Variants in TRIM46 observed in about 807,000 individuals in gnomAD.
The protein encoded by TRIM46 is tripartite motif containing 46.
In TRIM46, 17 loss-of-function variants were observed where a neutral mutation model predicts 69.7. The observed-to-expected ratio is 0.24, with a 90% CI of 0.17 to 0.37. The LOEUF (loss-of-function observed/expected upper bound fraction) is 0.37, where lower values mean the gene tolerates loss of function less well. TRIM46 is among the 10% of genes least tolerant of loss of function. The pLI is 1.00. For synonymous variants in TRIM46, 391 were observed against 429.0 expected (o/e 0.91, Z 1.09); for missense variants, 675 against 1,025.1 (o/e 0.66, Z 4.66).
chr1:155,174,589 C>T (rs758761239), intron 1 of TRIM46: 35 of 1,526,562 alleles, frequency 2.3e-5, no homozygotes, highest in South Asian at 7.3e-5. Flanking sequence ...GTTCCTCCCT[C>T]CTTTGTGTCA....
At position 155,181,727 on chromosome 1, in the gene TRIM46, C is replaced by G. The variant is rs1666186876; in HGVS notation, c.1589-125C>G. Reference sequence around the variant, plus strand: ...TTCCCATGTCCTGTTCTCCTGAACCCCCTGCCTGTTCCTGGTGACTGAACC... The same window carrying G: ...TTCCCATGTCCTGTTCTCCTGAACCGCCTGCCTGTTCCTGGTGACTGAACC... On this transcript the variant is annotated intron_variant, in intron 8 of 9. Coordinates refer to ENST00000334634, the MANE Select transcript of TRIM46 (RefSeq NM_025058.5). The surrounding 1 kb of genome is among the most constrained non-coding windows in gnomAD (Gnocchi z 4.3). The G allele has an allele frequency of 9.5e-7, 1 of 1,050,674 alleles. No homozygotes were observed. Among genetic ancestry groups the G allele is most frequent in the Non-Finnish European group, 1.4e-6 (1 of 720,886 alleles). The allele number at this position is 1,050,674 out of a possible 1,614,324, so 65.1% of individuals were successfully genotyped here. A position where few individuals can be genotyped will look rare whatever the true frequency, so the allele number is the denominator to read the frequency against.
At chr1:155,183,446 ATC>A in intron 9 of TRIM46, among the ~76,000 whole-genome samples, 1 of 151,950 alleles carries the variant, frequency 6.6e-6, no homozygotes, top group East Asian at 1.9e-4. Context: ...TTAGTCACTA[ATC>A]TCGGATTCTT....
rs1379823298 is a variant in TRIM46 at position 155,174,742 on chromosome 1, G to T, written c.64-644G>T. On this transcript the variant is annotated intron_variant, in intron 1 of 9. Transcript: ENST00000334634. ...GAGGGGGCGAGTAGGCGGGGCTCTT[G>T]ATTCCCCCGCTAGTTCGGAGAAGGG... 1.1e-5 allele frequency: 16 copies of T among 1,458,488 alleles called. No individual in the cohort carries two copies. In the East Asian group the frequency reaches 4.2e-4, roughly 38 times the overall value. The allele number at this position is 1,458,488 out of a possible 1,614,324, so 90.3% of individuals were successfully genotyped here. A position where few individuals can be genotyped will look rare whatever the true frequency, so the allele number is the denominator to read the frequency against.
Position 155,179,826 on chromosome 1 carries a change from G to A in TRIM46, c.1480G>A (p.Glu494Lys), listed in dbSNP as rs767679029. Residue 494 changes from glutamate (E) to lysine (K), a missense_variant, in exon 8 of 10, where the codon GAG becomes AAG. Physicochemically the swap from Glu to Lys is moderately conservative, Grantham distance 56. This residue lies in a region of TRIM46 where 361 missense variants were observed against 498.3 expected (regional missense o/e 0.72). Coordinates refer to ENST00000334634, the MANE Select transcript of TRIM46 (RefSeq NM_025058.5). Reference protein sequence around the residue: ...EEVRGTSALLENPDTGSVYVL... With the variant: ...EEVRGTSALLKNPDTGSVYVL... ...GGTGAGGGGCACCAGTGCCCTGCTT[G>A]AGAACCCCGACACGGGCTCTGTGTA... 1.9e-6 allele frequency: 3 copies of A among 1,613,344 alleles called. No homozygotes were observed. Among genetic ancestry groups the A allele is most frequent in the Non-Finnish European group, 2.5e-6 (3 of 1,179,882 alleles).
rs1571729598 is a variant in TRIM46 at position 155,175,203 on chromosome 1, A to G, written c.64-183A>G. On this transcript the variant is annotated intron_variant, in intron 1 of 9. Coordinates refer to ENST00000334634, the MANE Select transcript of TRIM46 (RefSeq NM_025058.5). The surrounding 1 kb of genome is among the most constrained non-coding windows in gnomAD (Gnocchi z 4.2). ...GCCTTTAGCTCTGCAGCGGGGAAAG[A>G]GAAGCAAGGGACAGAGGTCTGGGAA... 4 of 1,467,040 alleles carry G rather than the reference A, an allele frequency of 2.7e-6. No homozygotes were observed. The highest frequency in any genetic ancestry group is 3.6e-6 in the Non-Finnish European group (4 of 1,119,494). The allele number at this position is 1,467,040 out of a possible 1,614,324, so 90.9% of individuals were successfully genotyped here. A position where few individuals can be genotyped will look rare whatever the true frequency, so the allele number is the denominator to read the frequency against.
rs1665870475 is a variant in TRIM46 at position 155,178,505 on chromosome 1, A to G, written c.1177A>G (p.Thr393Ala). ...CCCCCATCCCAGGATTGCCCGAGCCACTGAAGCCCTCCAGACATTCCGGCC... is the reference window on the plus strand; with the variant it reads ...CCCCCATCCCAGGATTGCCCGAGCCGCTGAAGCCCTCCAGACATTCCGGCC... Reference protein sequence around the residue: ...KQLHNRIARATEALQTFRPAA... With the variant: ...KQLHNRIARAAEALQTFRPAA... Residue 393 changes from threonine (T) to alanine (A), a missense_variant, in exon 7 of 10, where the codon ACT becomes GCT. Physicochemically the swap from Thr to Ala is moderately conservative, Grantham distance 58. Coordinates refer to ENST00000334634, the MANE Select transcript of TRIM46 (RefSeq NM_025058.5). 6.2e-7 allele frequency: 1 copy of G among 1,614,042 alleles called. No homozygotes were observed. Among genetic ancestry groups the G allele is most frequent in the Non-Finnish European group, 8.5e-7 (1 of 1,180,008 alleles).
chr1:155,180,197 C>T (rs910668936), intron 8 of TRIM46, among the ~76,000 whole-genome samples: 17 of 152,150 alleles, frequency 1.1e-4, no homozygotes, highest in African/African-American at 2.2e-4. Context: ...CCAGGTGCAG[C>T]GGCTCATGCC....
chr1:155,183,875 C>A lies in TRIM46; in HGVS notation c.1965C>A (p.Thr655=). The A allele has an allele frequency of 6.2e-7, 1 of 1,613,308 alleles. No individual in the cohort carries two copies. The highest frequency in any genetic ancestry group is 8.5e-7 in the Non-Finnish European group (1 of 1,180,032). ...VEASPPFAFL[T]IGMGKILLGS... Reference sequence around the variant, plus strand: ...CGTCGCCACCCTTCGCTTTCCTAACCATTGGCATGGGCAAGATCCTGCTGG... The same window carrying A: ...CGTCGCCACCCTTCGCTTTCCTAACAATTGGCATGGGCAAGATCCTGCTGG... Residue 655 remains threonine, a synonymous_variant, in exon 10 of 10, where the codon ACC becomes ACA. Coordinates refer to ENST00000334634, the MANE Select transcript of TRIM46 (RefSeq NM_025058.5).
intron 1 of TRIM46, chr1:155,174,793 G>A: frequency 1.6e-5 from 23 of 1,455,932 alleles, no homozygotes; most frequent in Non-Finnish European, 2.1e-5. Context: ...GTTGCGCTGC[G>A]GGAGAGGGCG....
chr1:155,178,410 T>C (rs1665859416), intron 6 of TRIM46, 82 bp from the exon 7 acceptor site: 36 of 1,601,218 alleles, frequency 2.2e-5, no homozygotes, highest in Non-Finnish European at 3.1e-5. Context: ...TTCCCAAGGC[T>C]CTAGGGGCAA....
chr1:155,177,626 C>A (rs765753949), intron 5 of TRIM46, among the ~76,000 whole-genome samples: 2 of 152,224 alleles, frequency 1.3e-5, no homozygotes, highest in African/African-American at 4.8e-5. Flanking sequence ...ATGACTGATA[C>A]CTTCTGCCAG....
Position 155,175,582 on chromosome 1 carries a change from G to A in TRIM46, c.260G>A (p.Arg87His), listed in dbSNP as rs745531069. 33 of 1,613,098 alleles carry A rather than the reference G, an allele frequency of 2.0e-5. No homozygotes were observed. The East Asian group carries it at 4.0e-4, about 20-fold the overall frequency. Residue 87 changes from arginine (R) to histidine (H), a missense_variant, in exon 2 of 10, where the codon CGC becomes CAC. Physicochemically the swap from Arg to His is conservative, Grantham distance 29. This residue lies in a region of TRIM46 where 170 missense variants were observed against 255.6 expected (regional missense o/e 0.67). Transcript: ENST00000334634. This position sits in a 1 kb window ranked among gnomAD's most constrained non-coding sequence, Gnocchi z 4.2. ...TCTCCTGCCTCCACCCCTTCCACCC[G>A]CAGCCCCCGCCTCTCCCGCAGAACT... ...PTSPASTPSTRSPRLSRRTLP... is the reference protein window; with the variant it reads ...PTSPASTPSTHSPRLSRRTLP...
chr1:155,179,690 G>C lies in TRIM46; in HGVS notation c.1344G>C (p.Leu448=). The change falls in exon 8 of 10, where the codon CTG becomes CTC. Residue 448 remains leucine (L), a synonymous_variant. Transcript: ENST00000334634. ...CCTTTGCCTATGATCAGATCTTCCT[G>C]TGCTGGCGGCTGCCCCCCCATTCAC... ...QRTFAYDQIF[L]CWRLPPHSPP... 6.2e-7 allele frequency: 1 copy of C among 1,613,424 alleles called. No individual in the cohort carries two copies. The highest frequency in any genetic ancestry group is 8.5e-7 in the Non-Finnish European group (1 of 1,179,956).
intron 8 of TRIM46, 76 bp downstream of exon 8, chr1:155,180,010 G>A: frequency 1.4e-6 from 2 of 1,465,962 alleles, no homozygotes; most frequent in South Asian, 2.7e-5. Context: ...GTTGGTTCCG[G>A]TGGCCGCTAG....
intron 1 of TRIM46, chr1:155,174,975 G>A: frequency 4.3e-6 from 6 of 1,387,310 alleles, no homozygotes; most frequent in Non-Finnish European, 3.7e-6. Flanking sequence ...CACGGCATGG[G>A]GGTGCTGCTA....
chr1:155,184,412 C>T lies in TRIM46; in HGVS notation c.*222C>T. The T allele has an allele frequency of 1.8e-6, 1 of 569,286 alleles. No individual in the cohort carries two copies. The highest frequency in any genetic ancestry group is 1.9e-5 in the African/African-American group (1 of 53,112). The allele number at this position is 569,286 out of a possible 1,614,324, so 35.3% of individuals were successfully genotyped here. A position where few individuals can be genotyped will look rare whatever the true frequency, so the allele number is the denominator to read the frequency against. On this transcript the variant is annotated 3_prime_UTR_variant, in exon 10 of 10. Coordinates refer to ENST00000334634, the MANE Select transcript of TRIM46 (RefSeq NM_025058.5). This position sits in a 1 kb window ranked among gnomAD's most constrained non-coding sequence, Gnocchi z 5.6. ...CCCCGTTCTCTCCATTGCTTGTTAG[C>T]CAGGCCCCCACCCCCACTGAGTCTG...
chr1:155,177,858 G>A (rs1028568240), intron 5 of TRIM46, 144 bp from the exon 6 acceptor site: 36 of 1,221,320 alleles, frequency 2.9e-5, no homozygotes, highest in Non-Finnish European at 4.0e-5. Context: ...ATGAGCCCAG[G>A]CCCTGTAGGA....
At chr1:155,174,713 TG>T in intron 1 of TRIM46, 2 of 1,381,068 alleles carry the variant, frequency 1.4e-6, no homozygotes, top group Non-Finnish European at 1.9e-6. Flanking sequence ...GGACTTCCGG[TG>T]GGGAGGGGGC....
intron 1 of TRIM46, chr1:155,174,749 C>G: frequency 6.9e-7 from 1 of 1,459,542 alleles, no homozygotes; most frequent in Admixed American, 2.5e-5. Flanking sequence ...CTTGATTCCC[C>G]CGCTAGTTCG....
Sources: allele counts gnomAD v4.1 joint callset (sites outside exome capture counted in the v4.1 genomes callset), GRCh38; gene constraint gnomAD v4.1.1; regional missense constraint gnomAD v4.1.1; non-coding constraint Gnocchi (gnomAD v3.1); transcripts MANE v1.5; gene names NCBI Gene and HGNC (gene_info 2026-07-23, HGNC 2026-07-21).